Variants in PRIM2 observed in about 807,000 individuals in gnomAD.
PRIM2 encodes DNA primase subunit 2.
A neutral mutation model predicts 67.3 loss-of-function variants in PRIM2; 39 were observed. The ratio of observed to expected loss-of-function variants is 0.58; its 90% CI spans 0.45 to 0.76. The LOEUF is 0.76. Among genes scored for constraint, PRIM2 ranks in the 30% least tolerant of loss-of-function variants. The probability of loss-of-function intolerance (pLI) is 0.00; values close to 1 mark genes in which losing one functional copy is unlikely to be tolerated. For synonymous variants in PRIM2, 143 were observed against 198.7 expected (o/e 0.72, Z 2.36); for missense variants, 398 against 598.7 (o/e 0.66, Z 3.50).
At chr6:57,256,339 A>G in the PRIM2 span, among the ~76,000 whole-genome samples, 1 of 152,204 alleles carries the variant, frequency 6.6e-6, no homozygotes, top group East Asian at 1.9e-4. Context: ...TATATTATGT[A>G]TTATCTTCAT....
At chr6:57,507,975 C>A (rs1237788325) in intron 8 of PRIM2, among the ~76,000 whole-genome samples, 3 of 152,102 alleles carry the variant, frequency 2.0e-5, no homozygotes, top group Admixed American at 2.0e-4. Context: ...CTTGCTCTGT[C>A]GCCCAGGCTA....
chr6:57,413,262 G>GA (rs1771149734), intron 7 of PRIM2, among the ~76,000 whole-genome samples: 1 of 151,570 alleles, frequency 6.6e-6, no homozygotes, highest in Non-Finnish European at 1.5e-5. Context: ...AGGGGAGAAG[G>GA]AAAAAATGGA....
upstream of PRIM2, among the ~76,000 whole-genome samples, chr6:57,316,579 T>C (rs1767489321): frequency 6.6e-6 from 1 of 152,236 alleles, no homozygotes; most frequent in Non-Finnish European, 1.5e-5. Flanking sequence ...TTCAATGTAC[T>C]TTGCATTTCT....
At chr6:57,343,839 G>A (rs967590039) in intron 5 of PRIM2, among the ~76,000 whole-genome samples, 1 of 152,192 alleles carries the variant, frequency 6.6e-6, no homozygotes, top group African/African-American at 2.4e-5. Flanking sequence ...TTTTGTAGTA[G>A]GGGAGAGAGA....
At chr6:57,432,968 A>G (rs756314471) in intron 7 of PRIM2, among the ~76,000 whole-genome samples, 5 of 152,244 alleles carry the variant, frequency 3.3e-5, no homozygotes, top group Non-Finnish European at 7.3e-5. Context: ...TTCTACCATT[A>G]GTACTTGCAG....
At chr6:57,464,175 C>A (rs529639874) in intron 7 of PRIM2, among the ~76,000 whole-genome samples, 3 of 152,150 alleles carry the variant, frequency 2.0e-5, no homozygotes, top group Non-Finnish European at 4.4e-5. Context: ...AATAATGTCA[C>A]GTTTGTTTGT....
At position 57,521,376 on chromosome 6, in the gene PRIM2, T is replaced by TTTG. The variant is rs1410607783; in HGVS notation, c.762-11033_762-11032insGTT. 4.8e-5 allele frequency among the ~76,000 whole-genome samples: 7 copies of TTTG among 146,744 alleles called. No individual in the cohort carries two copies. The East Asian group carries it at 1.4e-3, about 29-fold the overall frequency. On this transcript the variant is annotated intron_variant, in intron 8 of 13. Coordinates refer to ENST00000615550, the MANE Select transcript of PRIM2 (RefSeq NM_000947.5). ...AGTTTATGTGGTTAGGGTTTTTTTTTTTTTTTTTTTTTTTTTTAACACCCT... is the reference window on the plus strand; with the variant it reads ...AGTTTATGTGGTTAGGGTTTTTTTTTTTGTTTTTTTTTTTTTTTTTAACACCCT...
chr6:57,441,998 A>G (rs1772216783), intron 7 of PRIM2, among the ~76,000 whole-genome samples: 1 of 152,222 alleles, frequency 6.6e-6, no homozygotes, highest in Non-Finnish European at 1.5e-5. Flanking sequence ...AGAAAAAAAA[A>G]TAGGACATAA....
At chr6:57,377,304 G>C (rs1483761133) in intron 5 of PRIM2, among the ~76,000 whole-genome samples, 4 of 152,070 alleles carry the variant, frequency 2.6e-5, no homozygotes, top group African/African-American at 9.7e-5. Flanking sequence ...TGCAAATAGA[G>C]TTTTAGTTCT....
At chr6:57,226,293 T>G in the PRIM2 span, among the ~76,000 whole-genome samples, 3 of 152,238 alleles carry the variant, frequency 2.0e-5, no homozygotes, top group Non-Finnish European at 4.4e-5. Flanking sequence ...CCCTAATTTA[T>G]GTTGGAGAAC....
At chr6:57,443,677 G>A (rs1329386671) in intron 7 of PRIM2, among the ~76,000 whole-genome samples, 1 of 152,008 alleles carries the variant, frequency 6.6e-6, no homozygotes, top group African/African-American at 2.4e-5. Flanking sequence ...CCCTTATCAG[G>A]CGTAACACTT....
intron 10 of PRIM2, among the ~76,000 whole-genome samples, chr6:57,548,491 G>A (rs1157821567): frequency 6.6e-6 from 1 of 152,104 alleles, no homozygotes; most frequent in African/African-American, 2.4e-5. Context: ...GAATACTTGA[G>A]GAAACAAGGC....
chr6:57,374,420 T>A (rs62418008), intron 5 of PRIM2, among the ~76,000 whole-genome samples: 6 of 141,004 alleles, frequency 4.3e-5, no homozygotes, highest in Non-Finnish European at 7.8e-5. Context: ...CAGCCTCCCG[T>A]GTAGCTGGGA....
At chr6:57,641,753 G>A (rs1172957058) in intron 13 of PRIM2, among the ~76,000 whole-genome samples, 1 of 152,186 alleles carries the variant, frequency 6.6e-6, no homozygotes, top group African/African-American at 2.4e-5. Flanking sequence ...AGAGGATGTG[G>A]AGAAATAGGA....
chr6:57,325,022 A>G (rs2127274340), intron 4 of PRIM2, among the ~76,000 whole-genome samples: 1 of 152,204 alleles, frequency 6.6e-6, no homozygotes, highest in East Asian at 1.9e-4. Context: ...CATATTTTGC[A>G]TCCAGTAGGG....
At chr6:57,633,752 G>T (rs1777071583) in intron 13 of PRIM2, among the ~76,000 whole-genome samples, 1 of 151,976 alleles carries the variant, frequency 6.6e-6, no homozygotes, top group Non-Finnish European at 1.5e-5. Flanking sequence ...TCACAATAGG[G>T]TTCACACCCG....
At chr6:57,506,773 T>C (rs1174625143) in intron 7 of PRIM2, among the ~76,000 whole-genome samples, 1 of 152,088 alleles carries the variant, frequency 6.6e-6, no homozygotes, top group Admixed American at 6.6e-5. Context: ...TTTGATGATA[T>C]GCTGTCAAGT....
intron 12 of PRIM2, among the ~76,000 whole-genome samples, chr6:57,619,352 C>T (rs1276659872): frequency 6.6e-6 from 1 of 152,140 alleles, no homozygotes; most frequent in East Asian, 1.9e-4. Flanking sequence ...TATGACCAAA[C>T]AAGGCTCATC....
the PRIM2 span, among the ~76,000 whole-genome samples, chr6:57,238,930 T>C: frequency 6.6e-6 from 1 of 152,212 alleles, no homozygotes; most frequent in African/African-American, 2.4e-5. Flanking sequence ...TTTGTCGTGC[T>C]GTCTAGTCAC....
Sources: gnomAD v4.1 joint callset for allele counts (sites outside exome capture counted in the v4.1 genomes callset) on GRCh38, gnomAD v4.1.1 for gene constraint, MANE v1.5 for transcripts, NCBI Gene and HGNC (gene_info 2026-07-23, HGNC 2026-07-21) for gene names.